PDE11A: variants seen among roughly 807,000 people sequenced by gnomAD.
PDE11A encodes the protein dual 3',5'-cyclic-AMP and -GMP phosphodiesterase 11A.
PDE11A carries 100 observed loss-of-function variants against 100.5 expected under a neutral mutation model. The observed-to-expected ratio is 1.00, with a 90% CI of 0.85 to 1.18. The LOEUF (loss-of-function observed/expected upper bound fraction) is 1.18. Ranked by LOEUF, PDE11A falls within the 50% of genes most tolerant of loss-of-function variation. The pLI is 0.00. For missense variants in PDE11A, 1,141 were observed against 1,152.6 expected, an observed-to-expected ratio of 0.99 and a Z score of 0.15; for synonymous variants, 381 against 420.8, an observed-to-expected ratio of 0.91 and a Z score of 1.16.
At chr2:178,051,655 C>G (rs556941899) in intron 1 of PDE11A, among the ~76,000 whole-genome samples, 8 of 152,102 alleles carry the variant, frequency 5.3e-5, no homozygotes, top group South Asian at 2.1e-4. Flanking sequence ...TAAAGGGATG[C>G]AGGAAGATCT....
intron 2 of PDE11A, among the ~76,000 whole-genome samples, chr2:177,917,778 T>C (rs1559005851): frequency 6.6e-6 from 1 of 152,226 alleles, no homozygotes; most frequent in Non-Finnish European, 1.5e-5. Context: ...GGGATTATTC[T>C]ACTTATATAT....
intron 2 of PDE11A, among the ~76,000 whole-genome samples, chr2:177,933,068 C>CCACACACACACA (rs58818826): frequency 0.015 from 2,240 of 146,990 alleles, 31 homozygotes; most frequent in Middle Eastern, 0.042. Flanking sequence ...TTTACAATAG[C>CCACACACACACA]CACACACACA....
rs118047217 is a variant in PDE11A at position 177,717,352 on chromosome 2, G to A, written c.2044-5474C>T. 2.7e-5 allele frequency among the ~76,000 whole-genome samples: 4 copies of A among 149,426 alleles called. No homozygotes were observed. The East Asian group carries it at 5.9e-4, about 22-fold the overall frequency. On this transcript the variant is annotated intron_variant, in intron 12 of 19. Transcript: ENST00000286063. ...CAGGGCTATCCATTCAGGCCTGCAC[G>A]TACTGATATTGAGTAGAAAAAGTCA...
chr2:177,645,802 T>C (rs996403479), intron 19 of PDE11A, among the ~76,000 whole-genome samples: 7 of 152,216 alleles, frequency 4.6e-5, no homozygotes, highest in African/African-American at 1.4e-4. Context: ...CAAAAGATGA[T>C]GTTTGTAGCA....
chr2:177,977,637 C>A (rs1178359413), intron 2 of PDE11A, among the ~76,000 whole-genome samples: 8 of 98,902 alleles, frequency 8.1e-5, no homozygotes, highest in Middle Eastern at 4.5e-3. Flanking sequence ...CCAAGTCAAT[C>A]CTAAGCCAAA....
intron 2 of PDE11A, among the ~76,000 whole-genome samples, chr2:177,957,918 T>TTTTTTTTTTTTTTTTTTTTTTA (rs71010841): frequency 1.3e-5 from 2 of 148,182 alleles, no homozygotes; most frequent in African/African-American, 2.5e-5. Flanking sequence ...GCCTTTTTTT[T>TTTTTTTTTTTTTTTTTTTTTTA]GAGACGGAGT....
intron 17 of PDE11A, among the ~76,000 whole-genome samples, chr2:177,671,168 G>A (rs1158271045): frequency 6.6e-6 from 1 of 152,146 alleles, no homozygotes; most frequent in Non-Finnish European, 1.5e-5. Flanking sequence ...GCGCCTCAAG[G>A]TGGGAGTCCT....
At chr2:177,947,936 A>G (rs1406535153) in intron 2 of PDE11A, among the ~76,000 whole-genome samples, 2 of 152,080 alleles carry the variant, frequency 1.3e-5, no homozygotes, top group Non-Finnish European at 2.9e-5. Context: ...CCCTCCATCC[A>G]GAGATAGCCT....
rs536615667 is a variant in PDE11A at position 177,646,258 on chromosome 2, A to C, written c.2647-16696T>G. Among the ~76,000 whole-genome samples, 3 of 152,298 alleles carry C rather than the reference A, an allele frequency of 2.0e-5. No individual in the cohort carries two copies. In the East Asian group the frequency reaches 5.8e-4, roughly 29 times the overall value. The stretch of plus-strand genomic sequence containing the variant: ...AACTGGACATTTTACAATTTTAAAA[A>C]CTGTATTCAACTGAATGAAACAAGT... On this transcript the variant is annotated intron_variant, in intron 19 of 19. Transcript: ENST00000286063.
intron 6 of PDE11A, among the ~76,000 whole-genome samples, chr2:177,827,410 G>T (rs970750143): frequency 2.6e-5 from 4 of 152,130 alleles, no homozygotes; most frequent in East Asian, 1.9e-4. Flanking sequence ...CATGCATAAG[G>T]CCTGCCCTAC....
intron 10 of PDE11A, among the ~76,000 whole-genome samples, chr2:177,762,115 G>A (rs745641547): frequency 2.4e-4 from 37 of 152,164 alleles, no homozygotes; most frequent in Non-Finnish European, 3.1e-4. Context: ...AGGAGCAGGA[G>A]ATGTTTGGAA....
intron 2 of PDE11A, among the ~76,000 whole-genome samples, chr2:177,951,951 C>T (rs2105783418): frequency 6.6e-6 from 1 of 152,286 alleles, no homozygotes; most frequent in East Asian, 1.9e-4. Flanking sequence ...TACATGTGCA[C>T]AACGTGCAGG....
chr2:177,808,876 G>A lies in PDE11A; in HGVS notation c.1737+7953C>T, dbSNP rs150959641. 1.1e-3 allele frequency among the ~76,000 whole-genome samples: 168 copies of A among 152,258 alleles called. 1 individual carries two copies. Among genetic ancestry groups the A allele is most frequent in the African/African-American group, 4.0e-3 (168 of 41,554 alleles). On this transcript the variant is annotated intron_variant, in intron 9 of 19. Coordinates refer to ENST00000286063, the MANE Select transcript of PDE11A (RefSeq NM_016953.4). ...GGAAGCAACCCTAGTATCCACTAAT[G>A]TGTGAATGGATAAACAAAATGTGGT...
At chr2:177,828,861 G>A (rs2083265992) in intron 6 of PDE11A, among the ~76,000 whole-genome samples, 1 of 152,192 alleles carries the variant, frequency 6.6e-6, no homozygotes, top group African/African-American at 2.4e-5. Context: ...ACTGAAGAGT[G>A]TGTGAGCAGA....
At chr2:177,692,415 G>C (rs2081053308) in intron 15 of PDE11A, among the ~76,000 whole-genome samples, 1 of 152,036 alleles carries the variant, frequency 6.6e-6, no homozygotes. Context: ...ACTTTACATT[G>C]TCAAAGCTCT....
rs191920319 is a variant in PDE11A at position 177,857,534 on chromosome 2, C to T, written c.1368-17151G>A. Among the ~76,000 whole-genome samples, 143 of 151,904 alleles carry T rather than the reference C, an allele frequency of 9.4e-4. 1 individual carries two copies. The highest frequency in any genetic ancestry group is 3.2e-3 in the African/African-American group (134 of 41,472). ...TGTAATTAGTAGGACAACAGTAACA[C>T]AAATGAAGGGGTAGGGAACAAAGCT... On this transcript the variant is annotated intron_variant, in intron 5 of 19. Transcript: ENST00000286063.
chr2:177,957,855 T>C (rs1479596451), intron 2 of PDE11A, among the ~76,000 whole-genome samples: 2 of 151,882 alleles, frequency 1.3e-5, no homozygotes, highest in Non-Finnish European at 2.9e-5. Context: ...TCCAAAACTA[T>C]TTGTTGAAGA....
Position 177,629,261 on chromosome 2 carries a change from T to C in PDE11A, c.*146A>G, listed in dbSNP as rs2079879940. On this transcript the variant is annotated 3_prime_UTR_variant, in exon 20 of 20. Coordinates refer to ENST00000286063, the MANE Select transcript of PDE11A (RefSeq NM_016953.4). ...TTGCTCTCTCTGCTGCTGACCATGCTTCAAGGTGAAAGCCCAGGCATGCTT... is the reference window on the plus strand; with the variant it reads ...TTGCTCTCTCTGCTGCTGACCATGCCTCAAGGTGAAAGCCCAGGCATGCTT... 3 of 777,506 alleles carry C rather than the reference T, an allele frequency of 3.9e-6. No homozygotes were observed. The highest frequency in any genetic ancestry group is 6.8e-6 in the Non-Finnish European group (3 of 438,458). 48.2% of individuals were successfully genotyped at this position (777,506 alleles called of 1,614,324 possible). A position where few individuals can be genotyped will look rare whatever the true frequency, so the allele number is the denominator to read the frequency against.
chr2:177,852,407 G>A (rs1219652330), intron 5 of PDE11A, among the ~76,000 whole-genome samples: 1 of 152,004 alleles, frequency 6.6e-6, no homozygotes, highest in Admixed American at 6.6e-5. Context: ...TGATCTATAT[G>A]ATAGTATTTG....
Sources: gnomAD v4.1 joint callset for allele counts (sites outside exome capture counted in the v4.1 genomes callset) on GRCh38, gnomAD v4.1.1 for gene constraint, MANE v1.5 for transcripts, NCBI Gene and HGNC (gene_info 2026-07-23, HGNC 2026-07-21) for gene names.